The following ARHGAP26 variants were observed in gnomAD, a reference collection of about 807,000 sequenced individuals.
ARHGAP26 encodes Rho GTPase activating protein 26.
In ARHGAP26, 38 loss-of-function variants were observed where a neutral mutation model predicts 104.8. The observed-to-expected ratio is 0.36, with a 90% CI of 0.28 to 0.48. ARHGAP26 has a LOEUF of 0.48. ARHGAP26 is among the 20% of genes least tolerant of loss of function. The pLI is 0.99. For missense variants in ARHGAP26, 704 were observed against 947.9 expected, an observed-to-expected ratio of 0.74 and a Z score of 3.38; for synonymous variants, 341 against 340.0, an observed-to-expected ratio of 1.00 and a Z score of -0.03.
At chr5:143,008,301 T>C in intron 11 of ARHGAP26, among the ~76,000 whole-genome samples, 1 of 152,240 alleles carries the variant, frequency 6.6e-6, no homozygotes, top group East Asian at 1.9e-4. Flanking sequence ...AAAGTTGGAC[T>C]TTGAACCTAA....
chr5:143,025,515 C>T lies in ARHGAP26; in HGVS notation c.1144+11399C>T, dbSNP rs371209163. ...GGTTGAGAAATCAGTGCAAAACCACCGGGCCTTAAGGCAGAAGGGAATTGA... is the reference window on the plus strand; with the variant it reads ...GGTTGAGAAATCAGTGCAAAACCACTGGGCCTTAAGGCAGAAGGGAATTGA... On this transcript the variant is annotated intron_variant, in intron 12 of 22. Transcript: ENST00000645722. Among the ~76,000 whole-genome samples, 13 of 152,282 alleles carry T rather than the reference C, an allele frequency of 8.5e-5. No individual in the cohort carries two copies. The East Asian group carries it at 9.6e-4, about 11-fold the overall frequency.
chr5:143,072,100 G>A (rs1049843306), intron 17 of ARHGAP26, among the ~76,000 whole-genome samples: 1 of 151,978 alleles, frequency 6.6e-6, no homozygotes, highest in South Asian at 2.1e-4. Context: ...ATACAAAATG[G>A]GCAAGTGATC....
At chr5:143,105,927 C>A (rs934554435) in intron 17 of ARHGAP26, among the ~76,000 whole-genome samples, 1 of 151,210 alleles carries the variant, frequency 6.6e-6, no homozygotes, top group Admixed American at 6.6e-5. Flanking sequence ...TTGGTGAGTA[C>A]AAGTATGAGT....
intron 18 of ARHGAP26, among the ~76,000 whole-genome samples, chr5:143,127,202 A>ATG (rs149644778): frequency 2.6e-5 from 4 of 151,950 alleles, no homozygotes; most frequent in African/African-American, 4.8e-5. Flanking sequence ...TACTTAGTGT[A>ATG]TGTGTGTGTG....
chr5:142,883,828 T>C (rs1230960435), intron 4 of ARHGAP26, among the ~76,000 whole-genome samples: 1 of 152,266 alleles, frequency 6.6e-6, no homozygotes, highest in African/African-American at 2.4e-5. Context: ...TCTATAATTA[T>C]GCTGATTATT....
At chr5:143,116,032 A>T (rs1795393317) in intron 17 of ARHGAP26, among the ~76,000 whole-genome samples, 1 of 152,056 alleles carries the variant, frequency 6.6e-6, no homozygotes, top group South Asian at 2.1e-4. Context: ...GAAATATCAG[A>T]GTGTGTCATA....
At chr5:142,908,280 C>T (rs761182527) in intron 9 of ARHGAP26, among the ~76,000 whole-genome samples, 4 of 152,130 alleles carry the variant, frequency 2.6e-5, no homozygotes, top group Non-Finnish European at 5.9e-5. Context: ...CTGTGGGTCA[C>T]GAATTCAGGG....
chr5:143,007,045 A>G lies in ARHGAP26; in HGVS notation c.1108-7035A>G, dbSNP rs144116660. 1.6e-4 allele frequency among the ~76,000 whole-genome samples: 24 copies of G among 152,114 alleles called. No individual in the cohort carries two copies. In the East Asian group the frequency reaches 4.4e-3, roughly 28 times the overall value. On this transcript the variant is annotated intron_variant, in intron 11 of 22. Coordinates refer to ENST00000645722, the MANE Select transcript of ARHGAP26 (RefSeq NM_001135608.3). ...AGGAGTTCGGTGAAACCCCATCTCT[A>G]CTAAAATACAAAAAATTAGCCAGGT...
At chr5:142,791,709 A>C (rs976335664) in intron 1 of ARHGAP26, among the ~76,000 whole-genome samples, 2 of 152,148 alleles carry the variant, frequency 1.3e-5, no homozygotes, top group African/African-American at 4.8e-5. Context: ...CATACCTGTA[A>C]TCCCAGCACT....
At chr5:142,900,305 C>G (rs28052) in intron 6 of ARHGAP26, among the ~76,000 whole-genome samples, 65,148 of 151,970 alleles carry the variant, frequency 0.43, 17,480 homozygotes, top group East Asian at 0.85. Context: ...CTAGTGACTC[C>G]ATGGGGCTTA....
intron 20 of ARHGAP26, among the ~76,000 whole-genome samples, chr5:143,191,053 A>C (rs1352683374): frequency 1.3e-5 from 2 of 152,230 alleles, no homozygotes; most frequent in Non-Finnish European, 2.9e-5. Context: ...CTTAACTGCA[A>C]ATGGCAGGAA....
At chr5:142,951,103 A>C (rs574535205) in intron 11 of ARHGAP26, among the ~76,000 whole-genome samples, 1 of 147,946 alleles carries the variant, frequency 6.8e-6, no homozygotes, top group South Asian at 2.1e-4. Flanking sequence ...TTTGTAGCCC[A>C]GGCTGGAGTG....
chr5:143,084,722 T>C (rs1423567517), intron 17 of ARHGAP26, among the ~76,000 whole-genome samples: 1 of 152,090 alleles, frequency 6.6e-6, no homozygotes, highest in African/African-American at 2.4e-5. Context: ...CACACCTCTT[T>C]GCCTTTGCTT....
At chr5:142,899,281 T>G (rs900746360) in intron 6 of ARHGAP26, among the ~76,000 whole-genome samples, 1 of 152,212 alleles carries the variant, frequency 6.6e-6, no homozygotes, top group Non-Finnish European at 1.5e-5. Context: ...GGACACAATT[T>G]AACCCAGTAA....
chr5:142,791,799 A>G (rs1759876176), intron 1 of ARHGAP26, among the ~76,000 whole-genome samples: 2 of 152,086 alleles, frequency 1.3e-5, no homozygotes, highest in Non-Finnish European at 2.9e-5. Flanking sequence ...CCCCGTCTCT[A>G]CTAAAAACAC....
At chr5:142,770,944 G>T (rs1755065500) in intron 1 of ARHGAP26, 29 bp downstream of exon 1, 2 of 1,581,836 alleles carry the variant, frequency 1.3e-6, no homozygotes, top group African/African-American at 2.7e-5. Context: ...TCGGGGACGC[G>T]GCTCCGGGGC....
intron 20 of ARHGAP26, among the ~76,000 whole-genome samples, chr5:143,205,173 A>G (rs527854056): frequency 6.6e-6 from 1 of 152,166 alleles, no homozygotes; most frequent in Non-Finnish European, 1.5e-5. Flanking sequence ...CCCTCAACTG[A>G]TGGATCTTAC....
At position 142,795,830 on chromosome 5, in the gene ARHGAP26, A is replaced by G. The variant is rs781124472; in HGVS notation, c.154+24915A>G. 7.2e-4 allele frequency among the ~76,000 whole-genome samples: 110 copies of G among 152,186 alleles called. 1 individual carries two copies. Among genetic ancestry groups the G allele is most frequent in the African/African-American group, 2.4e-3 (99 of 41,436 alleles). The stretch of plus-strand genomic sequence containing the variant: ...CAGAATCTCAGCCCTATTACCTACC[A>G]CTTTGTACAGGTAAGTTATGATGGA... On this transcript the variant is annotated intron_variant, in intron 1 of 22. Transcript: ENST00000645722.
chr5:143,132,471 A>G (rs1797462457), intron 18 of ARHGAP26, among the ~76,000 whole-genome samples: 1 of 151,930 alleles, frequency 6.6e-6, no homozygotes, highest in Non-Finnish European at 1.5e-5. Context: ...GAGTGGATCC[A>G]TAAATTTTGA....
Sources: gnomAD v4.1 joint callset for allele counts (sites outside exome capture counted in the v4.1 genomes callset) on GRCh38, gnomAD v4.1.1 for gene constraint, MANE v1.5 for transcripts, NCBI Gene and HGNC (gene_info 2026-07-23, HGNC 2026-07-21) for gene names.